Variants in FBXL7 observed in about 807,000 individuals in gnomAD.
FBXL7 encodes F-box/LRR-repeat protein 7.
FBXL7 carries 12 observed loss-of-function variants against 38.3 expected under a neutral mutation model. The ratio of observed to expected loss-of-function variants is 0.31; its 90% confidence interval spans 0.20 to 0.51. FBXL7 has a LOEUF of 0.51. Ranked by LOEUF, FBXL7 falls within the 20% of genes least tolerant of loss-of-function variation. The pLI, the probability that FBXL7 is intolerant of heterozygous loss-of-function variation, is 0.98. For synonymous variants in FBXL7, 297 were observed against 300.9 expected (o/e 0.99, Z 0.13); for missense variants, 567 against 676.4 (o/e 0.84, Z 1.79).
intron 2 of FBXL7, among the ~76,000 whole-genome samples, chr5:15,921,057 G>A (rs965055894): frequency 6.6e-6 from 1 of 151,936 alleles, no homozygotes; most frequent in Admixed American, 6.6e-5. Context: ...AAAATTTTAC[G>A]ATTTTATAAT....
chr5:15,539,471 G>A (rs1412982620), intron 1 of FBXL7, among the ~76,000 whole-genome samples: 33 of 152,158 alleles, frequency 2.2e-4, no homozygotes. Flanking sequence ...TAAGCAGATT[G>A]TAAGTCATCT....
At chr5:15,886,204 T>C (rs1222035069) in intron 2 of FBXL7, among the ~76,000 whole-genome samples, 1 of 151,966 alleles carries the variant, frequency 6.6e-6, no homozygotes, top group Non-Finnish European at 1.5e-5. Flanking sequence ...CAAGAAATAA[T>C]TTTGAGGTGT....
Position 15,719,837 on chromosome 5 carries a change from C to T in FBXL7, c.127+103765C>T, listed in dbSNP as rs562242220. Among the ~76,000 whole-genome samples the T allele has an allele frequency of 2.0e-5, 3 of 148,752 alleles. 1 individual carries two copies. The highest frequency in any genetic ancestry group is 4.5e-5 in the Non-Finnish European group (3 of 66,618). On this transcript the variant is annotated intron_variant, in intron 2 of 3. Transcript: ENST00000504595. Reference sequence around the variant, plus strand: ...TTAGGCCTCAGATCAATAAAACATTCAGCTAAGTTCTCAAAGAGCGACCTT... The same window carrying T: ...TTAGGCCTCAGATCAATAAAACATTTAGCTAAGTTCTCAAAGAGCGACCTT...
rs542491690 is a variant in FBXL7, at chr5:15,733,167, C to T, written c.127+117095C>T. Among the ~76,000 whole-genome samples the T allele has an allele frequency of 9.8e-4, 149 of 152,256 alleles. 1 individual carries two copies. The highest frequency in any genetic ancestry group is 3.5e-3 in the African/African-American group (145 of 41,558). On this transcript the variant is annotated intron_variant, in intron 2 of 3. Coordinates refer to ENST00000504595, the MANE Select transcript of FBXL7 (RefSeq NM_012304.5). ...GAAGTGCAGTGGCGCTATCTCGGCT[C>T]ACTGCAACCTCCGCCTCTCGGGTTC...
chr5:15,618,145 G>C (rs1256732621), intron 2 of FBXL7, among the ~76,000 whole-genome samples: 1 of 152,068 alleles, frequency 6.6e-6, no homozygotes, highest in African/African-American at 2.4e-5. Context: ...TTATGAGGAG[G>C]TGCAGGCCCA....
intron 2 of FBXL7, among the ~76,000 whole-genome samples, chr5:15,924,800 T>C (rs1741839646): frequency 6.6e-6 from 1 of 152,144 alleles, no homozygotes; most frequent in African/African-American, 2.4e-5. Context: ...CTAATTTTTG[T>C]ATTTTTAGTA....
intron 2 of FBXL7, among the ~76,000 whole-genome samples, chr5:15,761,343 A>G (rs1252112676): frequency 3.9e-5 from 6 of 152,206 alleles, no homozygotes; most frequent in East Asian, 1.9e-4. Flanking sequence ...TGCCATGAAC[A>G]GGGACTCTGG....
chr5:15,841,682 A>G (rs1275239383), intron 2 of FBXL7, among the ~76,000 whole-genome samples: 3 of 152,178 alleles, frequency 2.0e-5, no homozygotes, highest in Non-Finnish European at 2.9e-5. Flanking sequence ...GGCCAGGTCC[A>G]GGGACCCCTT....
At chr5:15,904,224 G>A (rs1283566344) in intron 2 of FBXL7, among the ~76,000 whole-genome samples, 1 of 152,092 alleles carries the variant, frequency 6.6e-6, no homozygotes, top group African/African-American at 2.4e-5. Flanking sequence ...AACCAGATTT[G>A]TTCCTACTCG....
chr5:15,750,444 A>C (rs1033355368), intron 2 of FBXL7, among the ~76,000 whole-genome samples: 2 of 152,078 alleles, frequency 1.3e-5, no homozygotes, highest in Non-Finnish European at 2.9e-5. Flanking sequence ...TCTGACCTTG[A>C]GTCTTTGCTA....
chr5:15,813,806 G>A (rs191974597), intron 2 of FBXL7, among the ~76,000 whole-genome samples: 24 of 152,072 alleles, frequency 1.6e-4, no homozygotes, highest in African/African-American at 4.6e-4. Flanking sequence ...ACATTTATGC[G>A]GTCAACAAAC....
intron 1 of FBXL7, among the ~76,000 whole-genome samples, chr5:15,587,151 G>A (rs1412403556): frequency 6.6e-6 from 1 of 152,144 alleles, no homozygotes; most frequent in Non-Finnish European, 1.5e-5. Flanking sequence ...CATTCATATG[G>A]ACTACAGACA....
chr5:15,540,427 G>T (rs1393496689), intron 1 of FBXL7, among the ~76,000 whole-genome samples: 2 of 152,056 alleles, frequency 1.3e-5, no homozygotes, highest in African/African-American at 4.8e-5. Context: ...CTCAAGGTGC[G>T]AACTCCTACC....
intron 1 of FBXL7, among the ~76,000 whole-genome samples, chr5:15,582,433 A>G (rs1363140653): frequency 6.6e-6 from 1 of 152,202 alleles, no homozygotes; most frequent in African/African-American, 2.4e-5. Context: ...AATCTCCTAT[A>G]TGTTCATACA....
chr5:15,807,601 T>C (rs376233802), intron 2 of FBXL7, among the ~76,000 whole-genome samples: 13 of 152,316 alleles, frequency 8.5e-5, no homozygotes, highest in Middle Eastern at 3.4e-3. Context: ...TAGAACTTAA[T>C]TGCAAACTGT....
At chr5:15,626,957 CA>C (rs1740842065) in intron 2 of FBXL7, among the ~76,000 whole-genome samples, 1 of 152,134 alleles carries the variant, frequency 6.6e-6, no homozygotes, top group Admixed American at 6.5e-5. Context: ...ATATGTCAGT[CA>C]GGGGTCACCA....
At chr5:15,541,213 A>G (rs777743602) in intron 1 of FBXL7, among the ~76,000 whole-genome samples, 13 of 151,518 alleles carry the variant, frequency 8.6e-5, no homozygotes, top group Non-Finnish European at 1.5e-4. Flanking sequence ...ATTCCTATAA[A>G]TCATCACAAG....
At position 15,555,283 on chromosome 5, in the gene FBXL7, C is replaced by T. The variant is rs563159738; in HGVS notation, c.37+54570C>T. 6.6e-5 allele frequency among the ~76,000 whole-genome samples: 10 copies of T among 152,248 alleles called. No individual in the cohort carries two copies. The South Asian group carries it at 2.1e-3, about 32-fold the overall frequency. On this transcript the variant is annotated intron_variant, in intron 1 of 3. Transcript: ENST00000504595. ...AGTTTCTTACTTCCGGTACAGAGGC[C>T]TCTCATGTTTCTTAGAAATCAAAGG...
chr5:15,888,565 G>A (rs1457718918), intron 2 of FBXL7, among the ~76,000 whole-genome samples: 1 of 152,028 alleles, frequency 6.6e-6, no homozygotes, highest in Admixed American at 6.6e-5. Context: ...AAGCCACCGA[G>A]CTTTTTCCCC....
Sources: allele counts gnomAD v4.1 joint callset (sites outside exome capture counted in the v4.1 genomes callset), GRCh38; gene constraint gnomAD v4.1.1; transcripts MANE v1.5; gene names NCBI Gene and HGNC (gene_info 2026-07-23, HGNC 2026-07-21).